STK32A: variants seen among roughly 807,000 people sequenced by gnomAD.
STK32A encodes the protein serine/threonine kinase 32A.
In STK32A, 41 loss-of-function variants were observed where a neutral mutation model predicts 53.2. The observed-to-expected ratio is 0.77, with a 90% CI of 0.60 to 1.00. The LOEUF (loss-of-function observed/expected upper bound fraction) is 1.00, where lower values mean the gene tolerates loss of function less well. Among genes scored for constraint, STK32A ranks in the 50% least tolerant of loss-of-function variants. The pLI is 0.00. For synonymous variants in STK32A, 166 were observed against 162.8 expected (o/e 1.02, Z -0.15); for missense variants, 458 against 485.8 (o/e 0.94, Z 0.54).
chr5:147,335,783 GTGTGTGTA>G (rs1241485143), intron 5 of STK32A, among the ~76,000 whole-genome samples: 1 of 152,214 alleles, frequency 6.6e-6, no homozygotes. Context: ...AATACAGTGT[GTGTGTGTA>G]TGTGTGTGTG....
In STK32A at chr5:147,375,110, T is replaced by A. The variant is rs747359805; in HGVS notation, c.924T>A (p.Asp308Glu). Residue 308 changes from aspartate to glutamate, a missense_variant, in exon 11 of 13, where the codon GAT becomes GAA. Asp to Glu is a conservative substitution (Grantham distance 45, BLOSUM62 2). Transcript: ENST00000397936. ...FIPNKGRLNC[D>E]PTFELEEMIL... Reference sequence around the variant, plus strand: ...TGCAGAAAGGCAGGCTGAATTGTGATCCTACCTTTGAACTTGAGGAAATGA... The same window carrying A: ...TGCAGAAAGGCAGGCTGAATTGTGAACCTACCTTTGAACTTGAGGAAATGA... 6 of 1,607,432 alleles carry A rather than the reference T, an allele frequency of 3.7e-6. No homozygotes were observed. In the African/African-American group the frequency reaches 6.7e-5, roughly 18 times the overall value.
At chr5:147,246,759 G>A (rs970941429) in intron 2 of STK32A, among the ~76,000 whole-genome samples, 7 of 152,204 alleles carry the variant, frequency 4.6e-5, no homozygotes, top group African/African-American at 1.4e-4. Flanking sequence ...GATCAAAAGT[G>A]GTTATGCTCC....
Position 147,361,516 on chromosome 5 carries a change from G to T in STK32A, c.563-1G>T. 1 of 1,609,918 alleles carries T rather than the reference G, an allele frequency of 6.2e-7. No homozygotes were observed. Among genetic ancestry groups the T allele is most frequent in the African/African-American group, 1.3e-5 (1 of 74,974 alleles). On this transcript the variant is annotated splice_acceptor_variant, in intron 7 of 12. Coordinates refer to ENST00000397936, the MANE Select transcript of STK32A (RefSeq NM_001112724.2). LOFTEE classifies it high-confidence loss of function. ...CTGGTTTAATTTTTCGTGTTTTTCA[G>T]CACCTGAGATGTTCAGCTCCAGAAA...
chr5:147,249,994 G>T (rs899369209), intron 2 of STK32A, among the ~76,000 whole-genome samples: 2 of 150,740 alleles, frequency 1.3e-5, no homozygotes, highest in East Asian at 3.9e-4. Context: ...TGGCAGTGCA[G>T]ACGGAAAGCT....
At chr5:147,268,322 G>A (rs1193864596) in intron 2 of STK32A, among the ~76,000 whole-genome samples, 1 of 152,154 alleles carries the variant, frequency 6.6e-6, no homozygotes, top group African/African-American at 2.4e-5. Context: ...TTCTGAGGTT[G>A]TAATAATCTC....
intron 4 of STK32A, among the ~76,000 whole-genome samples, chr5:147,309,649 A>G (rs1561709659): frequency 6.6e-6 from 1 of 152,238 alleles, no homozygotes; most frequent in African/African-American, 2.4e-5. Flanking sequence ...TCTTGGGGAA[A>G]CTTAAAGAAT....
chr5:147,279,147 A>T, intron 3 of STK32A, 100 bp from the exon 4 acceptor site: 2 of 1,158,656 alleles, frequency 1.7e-6, no homozygotes, highest in Non-Finnish European at 2.3e-6. Flanking sequence ...TGCAAATGTT[A>T]AGGATCCAAG....
At chr5:147,373,342 A>ACCCGGTG in intron 10 of STK32A, 48 bp downstream of exon 10, 3 of 1,604,108 alleles carry the variant, frequency 1.9e-6, no homozygotes, top group Non-Finnish European at 2.6e-6. Context: ...AGTGCGCATT[A>ACCCGGTG]CCCGGTGTGC....
At chr5:147,396,686 A>T in the STK32A span, among the ~76,000 whole-genome samples, 16,969 of 152,166 alleles carry the variant, frequency 0.11, 1,246 homozygotes, top group Non-Finnish European at 0.15. Context: ...TACATCATCA[A>T]CACTTCCCTG....
At chr5:147,306,548 AATGT>A in intron 4 of STK32A, among the ~76,000 whole-genome samples, 1 of 150,842 alleles carries the variant, frequency 6.6e-6, no homozygotes, top group South Asian at 2.1e-4. Context: ...ACATATTTAA[AATGT>A]ATTATATATA....
chr5:147,269,643 T>G (rs566688424), intron 2 of STK32A, among the ~76,000 whole-genome samples: 3 of 152,208 alleles, frequency 2.0e-5, no homozygotes, highest in Non-Finnish European at 2.9e-5. Context: ...TTCCCTCCTC[T>G]CTGGGGAATT....
intron 4 of STK32A, among the ~76,000 whole-genome samples, chr5:147,306,198 T>G (rs1021540324): frequency 6.6e-6 from 1 of 151,984 alleles, no homozygotes; most frequent in Admixed American, 6.5e-5. Context: ...ATTTTTCTGG[T>G]GACTTATGAG....
chr5:147,332,842 C>G (rs1754940132), intron 5 of STK32A, among the ~76,000 whole-genome samples: 1 of 152,178 alleles, frequency 6.6e-6, no homozygotes, highest in African/African-American at 2.4e-5. Context: ...GAGAATCTGC[C>G]TTCTTTGTGT....
chr5:147,249,891 A>G (rs1753908450), intron 2 of STK32A, among the ~76,000 whole-genome samples: 1 of 131,746 alleles, frequency 7.6e-6, no homozygotes, highest in Admixed American at 9.1e-5. Context: ...CCTGGGCAAC[A>G]GAGTAAGCCT....
At position 147,384,550 on chromosome 5, in the gene STK32A, C is replaced by T. The variant is rs1235461018; in HGVS notation, c.*567C>T. 4.8e-6 allele frequency: 4 copies of T among 838,204 alleles called. No individual in the cohort carries two copies. Among genetic ancestry groups the T allele is most frequent in the Admixed American group, 2.3e-5 (1 of 42,964 alleles). The allele number at this position is 838,204 out of a possible 1,614,324, so 51.9% of individuals were successfully genotyped here. On this transcript the variant is annotated 3_prime_UTR_variant, in exon 13 of 13. Coordinates refer to ENST00000397936, the MANE Select transcript of STK32A (RefSeq NM_001112724.2). ...TGGATGAGGGCCTTCCAGTGATATGCGTGAATCAGCATTAGATCCGCTTAT... is the reference window on the plus strand; with the variant it reads ...TGGATGAGGGCCTTCCAGTGATATGTGTGAATCAGCATTAGATCCGCTTAT...
chr5:147,245,380 C>A (rs1440430256), intron 2 of STK32A, among the ~76,000 whole-genome samples: 1 of 152,148 alleles, frequency 6.6e-6, no homozygotes, highest in African/African-American at 2.4e-5. Flanking sequence ...AATAGACGTG[C>A]AAGTAACACT....
At chr5:147,368,448 AGTGT>A (rs59156712) in intron 8 of STK32A, among the ~76,000 whole-genome samples, 5 of 150,822 alleles carry the variant, frequency 3.3e-5, no homozygotes, top group African/African-American at 7.3e-5. Context: ...CATTTATTTA[AGTGT>A]GTGTGTGTGT....
chr5:147,333,167 T>C (rs933534435), intron 5 of STK32A, among the ~76,000 whole-genome samples: 2 of 152,180 alleles, frequency 1.3e-5, no homozygotes, highest in Non-Finnish European at 2.9e-5. Flanking sequence ...GAGCTCTGAA[T>C]AGAGCTTTGA....
intron 3 of STK32A, 44 bp from the exon 4 acceptor site, chr5:147,279,203 C>T (rs1751915782): frequency 2.6e-6 from 4 of 1,558,266 alleles, no homozygotes; most frequent in Non-Finnish European, 3.5e-6. Flanking sequence ...CACCATGATC[C>T]ATTATCTCCC....
Sources: gnomAD v4.1 joint callset for allele counts (sites outside exome capture counted in the v4.1 genomes callset) on GRCh38, gnomAD v4.1.1 for gene constraint, MANE v1.5 for transcripts, NCBI Gene and HGNC (gene_info 2026-07-23, HGNC 2026-07-21) for gene names.